The following ZNF345 variants were observed in gnomAD, a reference collection of about 807,000 sequenced individuals.
The protein encoded by ZNF345 is zinc finger protein HZF10.
For missense variants in ZNF345, 527 were observed against 589.9 expected, an observed-to-expected ratio of 0.89 and a Z score of 1.10; for synonymous variants, 166 against 187.9, an observed-to-expected ratio of 0.88 and a Z score of 0.95.
intron 2 of ZNF345, among the ~76,000 whole-genome samples, chr19:36,854,807 C>T (rs1475476598): frequency 6.6e-5 from 10 of 150,968 alleles, no homozygotes; most frequent in African/African-American, 2.2e-4. Flanking sequence ...CCTGCTTTTT[C>T]GTTATCTTTT....
At chr19:36,859,710 G>A (rs1449698625) in intron 2 of ZNF345, among the ~76,000 whole-genome samples, 1 of 152,006 alleles carries the variant, frequency 6.6e-6, no homozygotes, top group Non-Finnish European at 1.5e-5. Flanking sequence ...TTAGGAATAT[G>A]TTTTGTTAAC....
chr19:36,852,787 A>T, intron 2 of ZNF345, among the ~76,000 whole-genome samples: 1 of 151,962 alleles, frequency 6.6e-6, no homozygotes. Context: ...GTGGGTGTCT[A>T]ATGTTATATT....
At chr19:36,881,331 G>A (rs2072966906), downstream of ZNF345, among the ~76,000 whole-genome samples, 1 of 152,054 alleles carries the variant, frequency 6.6e-6, no homozygotes, top group Non-Finnish European at 1.5e-5. Context: ...AGCATTTTGA[G>A]GGATACTCAG....
chr19:36,886,993 CAAAAA>C (rs57034209), intron 3 of ZNF345, among the ~76,000 whole-genome samples: 35 of 40,812 alleles, frequency 8.6e-4, no homozygotes, highest in African/African-American at 2.8e-3. Context: ...GACTCCGTCT[CAAAAA>C]AAAAAAAAAA....
intron 2 of ZNF345, among the ~76,000 whole-genome samples, chr19:36,859,233 C>T (rs1016675630): frequency 3.0e-4 from 46 of 151,936 alleles, no homozygotes; most frequent in African/African-American, 9.9e-4. Context: ...CAGCTCACTG[C>T]AGCCTCTGCC....
intron 2 of ZNF345, chr19:36,862,939 G>T (rs2072583399): frequency 6.6e-6 from 1 of 152,144 alleles, no homozygotes; most frequent in South Asian, 2.1e-4. Flanking sequence ...GACACACAGA[G>T]AGATGCCAAG....
At chr19:36,856,701 C>G (rs2072425771) in intron 2 of ZNF345, among the ~76,000 whole-genome samples, 1 of 151,952 alleles carries the variant, frequency 6.6e-6, no homozygotes, top group South Asian at 2.1e-4. Flanking sequence ...ATTAAAAATA[C>G]AAAAATTAGC....
chr19:36,891,529 G>A, intron 3 of ZNF345: 5 of 1,596,908 alleles, frequency 3.1e-6, no homozygotes, highest in Non-Finnish European at 3.4e-6. Context: ...AATGAGGTCA[G>A]AGCGACTACC....
At chr19:36,892,524 C>T (rs1316137632) in intron 3 of ZNF345, 1 of 1,491,816 alleles carries the variant, frequency 6.7e-7, no homozygotes, top group East Asian at 2.3e-5. Context: ...CAAGTTAAAA[C>T]TTCTAAAAAA....
intron 2 of ZNF345, among the ~76,000 whole-genome samples, chr19:36,866,012 C>T (rs1249152744): frequency 6.6e-6 from 1 of 152,112 alleles, no homozygotes; most frequent in Non-Finnish European, 1.5e-5. Flanking sequence ...TGGATAAAAT[C>T]AACTTATTCA....
chr19:36,876,732 A>T, intron 2 of ZNF345, 53 bp from the exon 3 acceptor site: 1 of 1,225,618 alleles, frequency 8.2e-7, no homozygotes, highest in Non-Finnish European at 1.1e-6. Context: ...ATAAACGTTT[A>T]ATCTCTCCCA....
chr19:36,869,582 A>G (rs1335799123), intron 2 of ZNF345, among the ~76,000 whole-genome samples: 1 of 152,198 alleles, frequency 6.6e-6, no homozygotes, highest in Non-Finnish European at 1.5e-5. Flanking sequence ...CGGGTCCACC[A>G]TGAGTTACCT....
intron 2 of ZNF345, among the ~76,000 whole-genome samples, chr19:36,866,853 T>C (rs562983681): frequency 1.3e-5 from 2 of 152,336 alleles, no homozygotes; most frequent in African/African-American, 4.8e-5. Flanking sequence ...ACCTGGCCCA[T>C]GTTGAATAGT....
At chr19:36,886,803 C>T (rs1207710163) in intron 3 of ZNF345, among the ~76,000 whole-genome samples, 3 of 150,602 alleles carry the variant, frequency 2.0e-5, no homozygotes, top group Non-Finnish European at 3.0e-5. Flanking sequence ...CTGGCTAACA[C>T]GGTGAAACCC....
chr19:36,887,624 A>T (rs1372743001), intron 3 of ZNF345, among the ~76,000 whole-genome samples: 1 of 152,216 alleles, frequency 6.6e-6, no homozygotes, highest in African/African-American at 2.4e-5. Context: ...GAGTAATGTT[A>T]TTACATGGAG....
intron 3 of ZNF345, chr19:36,888,679 G>C (rs2073020962): frequency 6.6e-6 from 1 of 152,136 alleles, no homozygotes; most frequent in Non-Finnish European, 1.5e-5. Flanking sequence ...AATGTACCTT[G>C]TACTAAATAG....
downstream of ZNF345, among the ~76,000 whole-genome samples, chr19:36,881,602 A>G (rs1269709801): frequency 1.3e-5 from 2 of 152,184 alleles, no homozygotes; most frequent in Non-Finnish European, 2.9e-5. Flanking sequence ...AGAGCAAAAG[A>G]TGAAAATATA....
At position 36,892,133 on chromosome 19, in the gene ZNF345, C is replaced by T. The variant is rs1421785815; in HGVS notation, c.47-685C>T. On this transcript the variant is annotated intron_variant, in intron 3 of 3. Coordinates refer to the ZNF345 transcript ENST00000526123. ...GAAAAATATGAACTACAACTAAAAG[C>T]CTTGCCACATTCCTTACATTCATAG... 5.6e-6 allele frequency: 9 copies of T among 1,613,900 alleles called. No individual in the cohort carries two copies. Among genetic ancestry groups the T allele is most frequent in the African/African-American group, 2.7e-5 (2 of 74,912 alleles).
intron 2 of ZNF345, among the ~76,000 whole-genome samples, chr19:36,853,722 G>A (rs554757784): frequency 3.3e-4 from 50 of 152,242 alleles, no homozygotes; most frequent in Non-Finnish European, 5.7e-4. Context: ...AAAATCAAGT[G>A]AACATATATG....
Sources: allele counts gnomAD v4.1 joint callset (sites outside exome capture counted in the v4.1 genomes callset), GRCh38; gene constraint gnomAD v4.1.1; transcripts MANE v1.5; gene names NCBI Gene and HGNC (gene_info 2026-07-23, HGNC 2026-07-21).